SLC35F1: variants seen among roughly 807,000 people sequenced by gnomAD.
SLC35F1 encodes solute carrier family 35 member F1.
Under a neutral mutation model 48.7 loss-of-function variants are expected in SLC35F1, and 14 were observed. That is an observed-to-expected ratio of 0.29 (90% confidence interval 0.19 to 0.45). The LOEUF (loss-of-function observed/expected upper bound fraction) is 0.45. Among genes scored for constraint, SLC35F1 ranks in the 20% least tolerant of loss-of-function variants. SLC35F1 has a pLI of 1.00. For missense variants in SLC35F1, 404 were observed against 500.0 expected (o/e 0.81, Z 1.83); for synonymous variants, 190 against 202.2 (o/e 0.94, Z 0.51).
chr6:118,092,699 G>A (rs1304306693), intron 1 of SLC35F1, among the ~76,000 whole-genome samples: 1 of 152,216 alleles, frequency 6.6e-6, no homozygotes, highest in African/African-American at 2.4e-5. Flanking sequence ...TCTTGCATCA[G>A]TGTGCCCTGG....
intron 1 of SLC35F1, among the ~76,000 whole-genome samples, chr6:118,025,041 C>T (rs1209565364): frequency 6.6e-6 from 1 of 152,168 alleles, no homozygotes; most frequent in Non-Finnish European, 1.5e-5. Context: ...TGTTAACATC[C>T]TACATGAGTA....
chr6:118,313,959 G>C (rs283049), intron 7 of SLC35F1, 69 bp from the exon 8 acceptor site: 805,570 of 1,413,244 alleles, frequency 0.57, 235,032 homozygotes, highest in African/African-American at 0.69. Flanking sequence ...TCATGTTTCT[G>C]TGTGCCTCAT....
chr6:118,122,958 G>C (rs969823891), intron 1 of SLC35F1, among the ~76,000 whole-genome samples: 5 of 152,152 alleles, frequency 3.3e-5, no homozygotes, highest in African/African-American at 1.2e-4. Flanking sequence ...TAGAAACAGA[G>C]ATGGCTATAG....
chr6:118,046,448 A>C (rs1240065486), intron 1 of SLC35F1, among the ~76,000 whole-genome samples: 1 of 152,178 alleles, frequency 6.6e-6, no homozygotes, highest in East Asian at 1.9e-4. Context: ...CTTATTACCG[A>C]GTGCTCTTGC....
At chr6:118,051,543 A>G (rs1772391566) in intron 1 of SLC35F1, among the ~76,000 whole-genome samples, 1 of 152,214 alleles carries the variant, frequency 6.6e-6, no homozygotes, top group Non-Finnish European at 1.5e-5. Flanking sequence ...CACTTACTGT[A>G]TATTTGTCAC....
At chr6:117,913,244 A>G (rs986223339) in intron 1 of SLC35F1, among the ~76,000 whole-genome samples, 2 of 152,224 alleles carry the variant, frequency 1.3e-5, no homozygotes, top group African/African-American at 4.8e-5. Context: ...CAGTAGATGT[A>G]TGGAAAAAAC....
chr6:117,983,154 C>CTT (rs1776803830), intron 1 of SLC35F1, among the ~76,000 whole-genome samples: 1 of 152,196 alleles, frequency 6.6e-6, no homozygotes, highest in Admixed American at 6.5e-5. Flanking sequence ...TTACTGCACT[C>CTT]TGTCAATAGA....
intron 1 of SLC35F1, among the ~76,000 whole-genome samples, chr6:118,108,204 C>T (rs1044059865): frequency 1.3e-5 from 2 of 152,086 alleles, no homozygotes; most frequent in African/African-American, 4.8e-5. Context: ...TGTTGTTTTG[C>T]GAGGCTGGTC....
intron 2 of SLC35F1, among the ~76,000 whole-genome samples, chr6:118,175,808 C>G (rs1000663291): frequency 2.0e-5 from 3 of 152,086 alleles, no homozygotes; most frequent in African/African-American, 7.2e-5. Context: ...TTAGTTTGAC[C>G]AGGCACTTCT....
At chr6:118,240,568 A>G (rs925910569) in intron 3 of SLC35F1, among the ~76,000 whole-genome samples, 3 of 152,230 alleles carry the variant, frequency 2.0e-5, no homozygotes, top group African/African-American at 7.2e-5. Flanking sequence ...CTTCCAGTCA[A>G]GTGGGAAAGG....
At chr6:118,273,445 A>T (rs1382724055) in intron 4 of SLC35F1, among the ~76,000 whole-genome samples, 2 of 152,208 alleles carry the variant, frequency 1.3e-5, no homozygotes, top group Non-Finnish European at 2.9e-5. Flanking sequence ...TACAACAATA[A>T]TTGATATTCA....
At chr6:118,182,562 A>AG (rs1179397334) in intron 2 of SLC35F1, among the ~76,000 whole-genome samples, 15 of 150,934 alleles carry the variant, frequency 9.9e-5, no homozygotes, top group East Asian at 2.0e-4. Context: ...GAAGGAAGGA[A>AG]GAAAAAAAGA....
chr6:117,999,434 A>G, intron 1 of SLC35F1: 1 of 1,586,444 alleles, frequency 6.3e-7, no homozygotes, highest in Non-Finnish European at 8.5e-7. Flanking sequence ...GGCCCCTACA[A>G]AGGCTTCAGA....
chr6:118,137,229 C>T (rs1370291730), intron 1 of SLC35F1, among the ~76,000 whole-genome samples: 3 of 152,162 alleles, frequency 2.0e-5, no homozygotes, highest in African/African-American at 7.2e-5. Flanking sequence ...AACTAAGAAC[C>T]TTGCCCATAA....
intron 3 of SLC35F1, among the ~76,000 whole-genome samples, chr6:118,242,972 AG>A (rs1775460716): frequency 6.6e-6 from 1 of 152,196 alleles, no homozygotes; most frequent in Admixed American, 6.5e-5. Context: ...GTGAAGGACA[AG>A]GAGGTAATCC....
chr6:117,934,007 T>C (rs1280677477), intron 1 of SLC35F1, among the ~76,000 whole-genome samples: 1 of 152,064 alleles, frequency 6.6e-6, no homozygotes, highest in Non-Finnish European at 1.5e-5. Flanking sequence ...AGTTGGCTGT[T>C]GATCATGGGT....
intron 1 of SLC35F1, among the ~76,000 whole-genome samples, chr6:118,046,124 TC>T (rs1327789349): frequency 6.6e-6 from 1 of 152,220 alleles, no homozygotes; most frequent in Admixed American, 6.6e-5. Flanking sequence ...GGGACATTTG[TC>T]CTTTTAGAAA....
At chr6:117,923,688 T>C (rs13217405) in intron 1 of SLC35F1, among the ~76,000 whole-genome samples, 725 of 59,764 alleles carry the variant, frequency 0.012, 228 homozygotes, top group African/African-American at 0.017. Context: ...CATATATACA[T>C]ATGTACATAT....
chr6:117,950,469 G>A (rs1305673025), intron 1 of SLC35F1, among the ~76,000 whole-genome samples: 1 of 152,146 alleles, frequency 6.6e-6, no homozygotes, highest in African/African-American at 2.4e-5. Flanking sequence ...TGCTGATTTT[G>A]TTTGATAAGC....
Sources: gnomAD v4.1 joint callset for allele counts (sites outside exome capture counted in the v4.1 genomes callset) on GRCh38, gnomAD v4.1.1 for gene constraint, MANE v1.5 for transcripts, NCBI Gene and HGNC (gene_info 2026-07-23, HGNC 2026-07-21) for gene names.